The following HS6ST3 variants were observed in gnomAD, a reference collection of about 807,000 sequenced individuals.
HS6ST3 encodes heparan-sulfate 6-O-sulfotransferase 3.
In HS6ST3, 12 loss-of-function variants were observed where a neutral mutation model predicts 36.7. The observed-to-expected ratio is 0.33, with a 90% confidence interval of 0.21 to 0.53. HS6ST3 has a LOEUF of 0.53. Among genes scored for constraint, HS6ST3 ranks in the 20% least tolerant of loss-of-function variants. The probability of loss-of-function intolerance (pLI) is 0.95; values close to 1 mark genes in which losing one functional copy is unlikely to be tolerated. For missense variants in HS6ST3, 584 were observed against 640.9 expected (o/e 0.91, Z 0.96); for synonymous variants, 240 against 257.5 (o/e 0.93, Z 0.65).
At chr13:96,527,424 T>C (rs2056118562) in intron 1 of HS6ST3, among the ~76,000 whole-genome samples, 1 of 152,238 alleles carries the variant, frequency 6.6e-6, no homozygotes, top group African/African-American at 2.4e-5. Context: ...AAACAAAGTC[T>C]TAGCTCTCAT....
intron 1 of HS6ST3, among the ~76,000 whole-genome samples, chr13:96,518,372 T>A (rs2056081025): frequency 6.6e-6 from 1 of 152,212 alleles, no homozygotes; most frequent in African/African-American, 2.4e-5. Flanking sequence ...TAGTATGAGT[T>A]AATTTAGTTT....
intron 1 of HS6ST3, among the ~76,000 whole-genome samples, chr13:96,645,257 T>G (rs2056584872): frequency 6.6e-6 from 1 of 151,888 alleles, no homozygotes; most frequent in African/African-American, 2.4e-5. Flanking sequence ...TGTTTTTTGT[T>G]TGTTTTGTTT....
At chr13:96,492,264 C>T (rs753095666) in intron 1 of HS6ST3, among the ~76,000 whole-genome samples, 2 of 152,186 alleles carry the variant, frequency 1.3e-5, no homozygotes, top group Non-Finnish European at 2.9e-5. Context: ...CAGTGACACT[C>T]TTTCTACAGC....
At chr13:96,791,665 C>G (rs529072023) in intron 1 of HS6ST3, among the ~76,000 whole-genome samples, 133 of 152,112 alleles carry the variant, frequency 8.7e-4, no homozygotes, top group African/African-American at 3.0e-3. Context: ...GAAAGGATAC[C>G]TTTACCTTGA....
intron 1 of HS6ST3, among the ~76,000 whole-genome samples, chr13:96,148,405 A>G (rs1594694433): frequency 6.6e-6 from 1 of 152,180 alleles, no homozygotes; most frequent in African/African-American, 2.4e-5. Context: ...AGGCAGAAAT[A>G]CCTGTGAATA....
chr13:96,224,236 C>T (rs1445938569), intron 1 of HS6ST3, among the ~76,000 whole-genome samples: 1 of 152,138 alleles, frequency 6.6e-6, no homozygotes, highest in Admixed American at 6.5e-5. Context: ...CCCCAGAGCC[C>T]CATCACTGTT....
chr13:96,707,337 G>GTT (rs1194923425), intron 1 of HS6ST3, among the ~76,000 whole-genome samples: 3 of 152,128 alleles, frequency 2.0e-5, no homozygotes, highest in African/African-American at 7.2e-5. Context: ...CGACCATGCT[G>GTT]GCACCCTGAT....
chr13:96,144,011 A>T (rs955458427), intron 1 of HS6ST3, among the ~76,000 whole-genome samples: 3 of 152,176 alleles, frequency 2.0e-5, no homozygotes, highest in African/African-American at 7.2e-5. Context: ...GGAATCCTAA[A>T]CTTAATTCAA....
At chr13:96,781,898 G>T (rs1315948490) in intron 1 of HS6ST3, among the ~76,000 whole-genome samples, 3 of 151,984 alleles carry the variant, frequency 2.0e-5, no homozygotes, top group African/African-American at 7.2e-5. Flanking sequence ...GTTATTAGTC[G>T]GTTGTCAAAC....
chr13:96,381,035 C>T (rs1478469269), intron 1 of HS6ST3, among the ~76,000 whole-genome samples: 3 of 152,184 alleles, frequency 2.0e-5, no homozygotes, highest in African/African-American at 7.2e-5. Flanking sequence ...ATAATTAAAT[C>T]TGTGTTTAGC....
At chr13:96,574,509 C>T in intron 1 of HS6ST3, 2 of 419,188 alleles carry the variant, frequency 4.8e-6, no homozygotes, top group Middle Eastern at 7.0e-4. Context: ...ACTCCTGACA[C>T]ATGGCTGCAT....
At chr13:96,325,808 A>G (rs185641282) in intron 1 of HS6ST3, among the ~76,000 whole-genome samples, 2 of 152,326 alleles carry the variant, frequency 1.3e-5, no homozygotes, top group African/African-American at 4.8e-5. Context: ...AGTTTTTAAG[A>G]TATTGTGAAA....
chr13:96,243,246 A>G (rs904504749), intron 1 of HS6ST3, among the ~76,000 whole-genome samples: 12 of 152,234 alleles, frequency 7.9e-5, no homozygotes, highest in African/African-American at 2.9e-4. Flanking sequence ...ATATTGGGCA[A>G]TGCAAATCTA....
chr13:96,820,755 G>A (rs1878517294), intron 1 of HS6ST3, among the ~76,000 whole-genome samples: 1 of 152,180 alleles, frequency 6.6e-6, no homozygotes, highest in Admixed American at 6.5e-5. Flanking sequence ...TTGAAATTAT[G>A]CACTCATGCT....
intron 1 of HS6ST3, among the ~76,000 whole-genome samples, chr13:96,304,711 C>CTTTCTT (rs766397124): frequency 1.9e-3 from 168 of 89,312 alleles, no homozygotes; most frequent in African/African-American, 2.2e-3. Flanking sequence ...TTCTTTCTTT[C>CTTTCTT]TTTTTTTTTT....
intron 1 of HS6ST3, among the ~76,000 whole-genome samples, chr13:96,231,177 G>T (rs1566295533): frequency 6.6e-6 from 1 of 152,114 alleles, no homozygotes; most frequent in Non-Finnish European, 1.5e-5. Flanking sequence ...GACCAGTACA[G>T]AGCTCCTCCA....
intron 1 of HS6ST3, among the ~76,000 whole-genome samples, chr13:96,264,361 TGAAA>T (rs1293799447): frequency 6.6e-6 from 1 of 152,148 alleles, no homozygotes; most frequent in Non-Finnish European, 1.5e-5. Context: ...TAGCTTTCAC[TGAAA>T]GGGGCTCCAG....
intron 1 of HS6ST3, among the ~76,000 whole-genome samples, chr13:96,320,486 A>G (rs761860858): frequency 4.6e-5 from 7 of 152,240 alleles, no homozygotes; most frequent in Non-Finnish European, 1.0e-4. Context: ...TTATTGAAAT[A>G]GACTGTGCCG....
At chr13:96,806,962 A>G (rs1566458630) in intron 1 of HS6ST3, among the ~76,000 whole-genome samples, 1 of 152,202 alleles carries the variant, frequency 6.6e-6, no homozygotes, top group East Asian at 1.9e-4. Context: ...AGATAAGAGC[A>G]AGGCTTCTGG....
Sources: allele counts gnomAD v4.1 joint callset (sites outside exome capture counted in the v4.1 genomes callset), GRCh38; gene constraint gnomAD v4.1.1; transcripts MANE v1.5; gene names NCBI Gene and HGNC (gene_info 2026-07-23, HGNC 2026-07-21).